Variants in COL19A1 observed in about 807,000 individuals in gnomAD.
COL19A1 encodes the protein collagen type XIX alpha 1 chain.
In COL19A1, 159 loss-of-function variants were observed where a neutral mutation model predicts 190.2. The ratio of observed to expected loss-of-function variants is 0.84; its 90% CI spans 0.73 to 0.95. The LOEUF (loss-of-function observed/expected upper bound fraction) is 0.95. Among genes scored for constraint, COL19A1 ranks in the 40% least tolerant of loss-of-function variants. The probability of loss-of-function intolerance (pLI) is 0.00; values close to 1 mark genes in which losing one functional copy is unlikely to be tolerated. For synonymous variants in COL19A1, 509 were observed against 458.9 expected, an observed-to-expected ratio of 1.11 and a Z score of -1.39; for missense variants, 1,418 against 1,431.9, an observed-to-expected ratio of 0.99 and a Z score of 0.16.
chr6:69,970,070 C>T (rs1775334134), intron 11 of COL19A1, among the ~76,000 whole-genome samples: 1 of 152,120 alleles, frequency 6.6e-6, no homozygotes, highest in South Asian at 2.1e-4. Flanking sequence ...AAATAGATTC[C>T]ACCTCCTGAT....
rs1786456220 is a variant in COL19A1, at chr6:70,144,196, T to G, written c.1627-14T>G. 1.2e-6 allele frequency: 2 copies of G among 1,609,628 alleles called. No individual in the cohort carries two copies. Among genetic ancestry groups the G allele is most frequent in the South Asian group, 2.2e-5 (2 of 90,856 alleles). On this transcript the variant is annotated splice_polypyrimidine_tract_variant and intron_variant, in intron 23 of 50. Coordinates refer to ENST00000620364, the MANE Select transcript of COL19A1 (RefSeq NM_001858.6). ...GTTCTCATTACTCTTTCCTATTAAC[T>G]CTGAGTTTTCTAGGGATTGCCAGGA...
At chr6:70,137,806 C>T (rs1478792701) in intron 19 of COL19A1, 59 bp downstream of exon 19, 19 of 1,555,998 alleles carry the variant, frequency 1.2e-5, no homozygotes, top group East Asian at 4.5e-5. Context: ...ATTAAAAATA[C>T]GTTTCCAAAT....
At chr6:70,028,754 C>T (rs189182943) in intron 12 of COL19A1, among the ~76,000 whole-genome samples, 2 of 152,214 alleles carry the variant, frequency 1.3e-5, no homozygotes. Context: ...GGGGTTATCA[C>T]TCTCTGTACC....
At chr6:70,156,603 A>G in intron 33 of COL19A1, 67 bp from the exon 34 acceptor site, 1 of 1,539,096 alleles carries the variant, frequency 6.5e-7, no homozygotes, top group Non-Finnish European at 8.9e-7. Context: ...CTTAGAAGAG[A>G]TTTTTTTCAT....
chr6:70,060,247 G>C lies in COL19A1; in HGVS notation c.1171-8176G>C, dbSNP rs1292366587. The stretch of plus-strand genomic sequence containing the variant: ...ATGATTATATAAAGAGCAGATGCCA[G>C]TTCTCCAACACCAACACTCAGTATT... On this transcript the variant is annotated intron_variant, in intron 14 of 50. Transcript: ENST00000620364. Among the ~76,000 whole-genome samples, 6 of 152,164 alleles carry C rather than the reference G, an allele frequency of 3.9e-5. 1 individual carries two copies. The highest frequency in any genetic ancestry group is 6.3e-3 in the Middle Eastern group (2 of 316).
At chr6:70,148,858 C>T (rs1786845589) in intron 27 of COL19A1, among the ~76,000 whole-genome samples, 1 of 151,220 alleles carries the variant, frequency 6.6e-6, no homozygotes, top group South Asian at 2.1e-4. Context: ...ACCCGGGAGG[C>T]GGAGGTTGCA....
chr6:70,174,421 G>T (rs545366076), intron 41 of COL19A1, among the ~76,000 whole-genome samples: 1 of 152,142 alleles, frequency 6.6e-6, no homozygotes, highest in South Asian at 2.1e-4. Context: ...TTAGCCAAGC[G>T]TGGTGGCAGG....
At chr6:70,100,519 A>G (rs539338689) in intron 15 of COL19A1, among the ~76,000 whole-genome samples, 20 of 144,370 alleles carry the variant, frequency 1.4e-4, no homozygotes, top group African/African-American at 5.1e-4. Context: ...TAATAATTAT[A>G]TTTGTGTTTT....
At chr6:69,902,489 C>A (rs1770253196) in intron 4 of COL19A1, among the ~76,000 whole-genome samples, 1 of 152,188 alleles carries the variant, frequency 6.6e-6, no homozygotes, top group Non-Finnish European at 1.5e-5. Flanking sequence ...CAGGGGCCTT[C>A]CAGATAGACA....
At chr6:70,088,933 G>C (rs1371344011) in intron 15 of COL19A1, among the ~76,000 whole-genome samples, 1 of 152,092 alleles carries the variant, frequency 6.6e-6, no homozygotes, top group Non-Finnish European at 1.5e-5. Context: ...TCCAACATTA[G>C]CTCCTGTAGT....
chr6:69,905,172 A>G (rs1420574302), intron 4 of COL19A1, among the ~76,000 whole-genome samples: 1 of 152,114 alleles, frequency 6.6e-6, no homozygotes, highest in Non-Finnish European at 1.5e-5. Flanking sequence ...TGTCAGGTCC[A>G]TGACTACGCC....
At chr6:69,977,148 C>T (rs1251766386) in intron 11 of COL19A1, among the ~76,000 whole-genome samples, 1 of 152,064 alleles carries the variant, frequency 6.6e-6, no homozygotes, top group African/African-American at 2.4e-5. Context: ...CAATAGCAAA[C>T]ACTTAGAACC....
chr6:70,165,804 A>G (rs1765112830), intron 36 of COL19A1, 137 bp from the exon 37 acceptor site: 1 of 793,714 alleles, frequency 1.3e-6, no homozygotes, highest in South Asian at 1.6e-5. Flanking sequence ...GCCCAGCTGA[A>G]TAAGACTACA....
intron 9 of COL19A1, among the ~76,000 whole-genome samples, chr6:69,949,212 C>G (rs1773987013): frequency 6.6e-6 from 1 of 151,790 alleles, no homozygotes; most frequent in Non-Finnish European, 1.5e-5. Flanking sequence ...CCCGGATTCA[C>G]ACATCATCAG....
At chr6:69,952,802 T>C (rs1774197118) in intron 9 of COL19A1, among the ~76,000 whole-genome samples, 1 of 152,008 alleles carries the variant, frequency 6.6e-6, no homozygotes, top group Admixed American at 6.6e-5. Context: ...AAAAGACATT[T>C]TATGAGAAGA....
At chr6:69,926,687 G>A (rs1172313453) in intron 4 of COL19A1, among the ~76,000 whole-genome samples, 1 of 151,632 alleles carries the variant, frequency 6.6e-6, no homozygotes, top group African/African-American at 2.4e-5. Context: ...TGGAGAGAGA[G>A]TAAAGAAAGA....
rs143442424 is a variant in COL19A1, at chr6:70,038,368, C to G, written c.1170+2429C>G. Among the ~76,000 whole-genome samples, 216 of 152,320 alleles carry G rather than the reference C, an allele frequency of 1.4e-3. 1 individual carries two copies. Among genetic ancestry groups the G allele is most frequent in the African/African-American group, 4.9e-3 (205 of 41,568 alleles). ...AGCTCCCCGAGTGGATCTAAATATG[C>G]AGCAAGAGTTGAGAACCATTATTTA... On this transcript the variant is annotated intron_variant, in intron 14 of 50. Transcript: ENST00000620364.
At chr6:70,025,609 G>A (rs1778690604) in intron 12 of COL19A1, among the ~76,000 whole-genome samples, 1 of 152,128 alleles carries the variant, frequency 6.6e-6, no homozygotes, top group Non-Finnish European at 1.5e-5. Flanking sequence ...CTTTTACAGT[G>A]GATTCTGAAA....
At chr6:70,187,091 G>A (rs990523656) in intron 46 of COL19A1, among the ~76,000 whole-genome samples, 10 of 152,058 alleles carry the variant, frequency 6.6e-5, no homozygotes, top group Non-Finnish European at 1.5e-4. Context: ...TGTTGGTCAG[G>A]CTGGTCTCGA....
Sources: allele counts gnomAD v4.1 joint callset (sites outside exome capture counted in the v4.1 genomes callset), GRCh38; gene constraint gnomAD v4.1.1; transcripts MANE v1.5; gene names NCBI Gene and HGNC (gene_info 2026-07-23, HGNC 2026-07-21).